Variants in COL21A1 observed in about 807,000 individuals in gnomAD.
The protein encoded by COL21A1 is collagen alpha-1(XXI) chain.
A neutral mutation model predicts 137.9 loss-of-function variants in COL21A1; 149 were observed. That is an observed-to-expected ratio of 1.08 (90% CI 0.95 to 1.24). The LOEUF is 1.24. Ranked by LOEUF, COL21A1 falls within the 50% of genes most tolerant of loss-of-function variation. The probability of loss-of-function intolerance (pLI) is 0.00; values close to 1 mark genes in which losing one functional copy is unlikely to be tolerated. For synonymous variants in COL21A1, 456 were observed against 391.5 expected, an observed-to-expected ratio of 1.16 and a Z score of -1.95; for missense variants, 1,167 against 1,158.4, an observed-to-expected ratio of 1.01 and a Z score of -0.11.
chr6:56,391,376 T>C (rs1356353872), intron 1 of COL21A1, among the ~76,000 whole-genome samples: 4 of 151,804 alleles, frequency 2.6e-5, no homozygotes, highest in Admixed American at 1.3e-4. Flanking sequence ...TAACAATGCA[T>C]CATAAAGTAC....
At chr6:56,379,836 T>G (rs2094005853) in intron 1 of COL21A1, among the ~76,000 whole-genome samples, 1 of 152,204 alleles carries the variant, frequency 6.6e-6, no homozygotes, top group South Asian at 2.1e-4. Flanking sequence ...ATCTGATAGG[T>G]TTAAAAATGG....
intron 1 of COL21A1, among the ~76,000 whole-genome samples, chr6:56,186,456 T>G (rs1311162907): frequency 6.6e-6 from 1 of 152,208 alleles, no homozygotes; most frequent in Non-Finnish European, 1.5e-5. Context: ...TAAGGATACA[T>G]TCTCATACCA....
chr6:56,064,765 G>A, intron 23 of COL21A1, 143 bp from the exon 24 acceptor site: 2 of 502,942 alleles, frequency 4.0e-6, no homozygotes, highest in Non-Finnish European at 6.9e-6. Flanking sequence ...TGTGAGAGAT[G>A]GGAAAATCAG....
chr6:56,210,113 G>T lies in COL21A1; in HGVS notation c.-38-27457C>A, dbSNP rs138789863. On this transcript the variant is annotated intron_variant, in intron 1 of 29. Transcript: ENST00000244728. ...ACACACTGGGGCCTGTTGGGTGGTG[G>T]GGGGCTGGGGGAGGGGTAGCATTAG... is the stretch of plus-strand genomic sequence containing the variant. 1.8e-4 allele frequency among the ~76,000 whole-genome samples: 27 copies of T among 152,162 alleles called. No individual in the cohort carries two copies. The East Asian group carries it at 5.0e-3, about 28-fold the overall frequency.
chr6:56,303,812 T>C (rs1440296999), intron 1 of COL21A1, among the ~76,000 whole-genome samples: 1 of 152,184 alleles, frequency 6.6e-6, no homozygotes, highest in Non-Finnish European at 1.5e-5. Context: ...CTTGTACCAG[T>C]TTTCAAAGGG....
At chr6:56,300,461 C>T (rs1186421304) in intron 1 of COL21A1, among the ~76,000 whole-genome samples, 1 of 151,844 alleles carries the variant, frequency 6.6e-6, no homozygotes, top group East Asian at 1.9e-4. Context: ...ATTTTTTGTC[C>T]TGGAATGTCT....
chr6:56,246,568 C>T (rs549126339), intron 1 of COL21A1, among the ~76,000 whole-genome samples: 2 of 152,054 alleles, frequency 1.3e-5, no homozygotes, highest in East Asian at 3.9e-4. Flanking sequence ...GGGAAATTTG[C>T]AGGTGTCTTC....
At chr6:56,157,842 C>A (rs1225708201) in intron 9 of COL21A1, among the ~76,000 whole-genome samples, 2 of 152,174 alleles carry the variant, frequency 1.3e-5, no homozygotes, top group Non-Finnish European at 2.9e-5. Context: ...CCAGGCCAAA[C>A]AACCCTATTC....
chr6:56,262,645 T>G (rs1763305400), intron 1 of COL21A1, among the ~76,000 whole-genome samples: 1 of 152,104 alleles, frequency 6.6e-6, no homozygotes, highest in South Asian at 2.1e-4. Flanking sequence ...ACTAGTATAT[T>G]TTATACTAGA....
intron 10 of COL21A1, among the ~76,000 whole-genome samples, chr6:56,155,774 C>CT (rs1775695676): frequency 1.3e-5 from 2 of 151,810 alleles, no homozygotes; most frequent in South Asian, 2.1e-4. Flanking sequence ...TTTTGTATTT[C>CT]TTTTTTTTAA....
chr6:56,359,456 A>G lies in COL21A1; in HGVS notation c.-39+34515T>C, dbSNP rs868633954. 2.0e-4 allele frequency among the ~76,000 whole-genome samples: 30 copies of G among 152,278 alleles called. 1 individual carries two copies. Among genetic ancestry groups the G allele is most frequent in the Middle Eastern group, 6.8e-3 (2 of 294 alleles). On this transcript the variant is annotated intron_variant, in intron 1 of 28. Coordinates refer to the COL21A1 transcript ENST00000370819. ...ACCTCACAATACCTTTCTTCAACTC[A>G]GTTCCCTGAATCAGATCATGGAAGT...
intron 1 of COL21A1, among the ~76,000 whole-genome samples, chr6:56,186,324 T>C (rs1778297620): frequency 6.6e-6 from 1 of 152,182 alleles, no homozygotes; most frequent in Non-Finnish European, 1.5e-5. Context: ...GATAAAACTT[T>C]CAGCAAACTA....
intron 1 of COL21A1, among the ~76,000 whole-genome samples, chr6:56,194,879 G>A (rs907633693): frequency 1.3e-5 from 2 of 152,156 alleles, no homozygotes; most frequent in African/African-American, 4.8e-5. Flanking sequence ...CAGCAGTACT[G>A]AGAGGCAGGG....
chr6:56,282,378 A>G (rs1263073023), intron 1 of COL21A1, among the ~76,000 whole-genome samples: 1 of 152,142 alleles, frequency 6.6e-6, no homozygotes, highest in Admixed American at 6.5e-5. Context: ...TTTTTTCATA[A>G]TAACAAAAAA....
chr6:56,198,816 T>G (rs780915956), intron 1 of COL21A1, among the ~76,000 whole-genome samples: 23 of 152,118 alleles, frequency 1.5e-4, no homozygotes, highest in Non-Finnish European at 3.1e-4. Context: ...AGAATATGTA[T>G]GCTTAAAATT....
At chr6:56,071,456 T>G (rs3950155) in intron 20 of COL21A1, among the ~76,000 whole-genome samples, 22,827 of 151,504 alleles carry the variant, frequency 0.15, 1,755 homozygotes, top group Middle Eastern at 0.22. Flanking sequence ...AATACTTTGA[T>G]ACCTGATATC....
chr6:56,071,390 G>T (rs992659320), intron 20 of COL21A1, among the ~76,000 whole-genome samples: 4 of 151,600 alleles, frequency 2.6e-5, no homozygotes, highest in African/African-American at 9.7e-5. Context: ...TAGAGAAAGA[G>T]AAAACAAGTC....
chr6:56,072,289 C>G (rs1007331869), intron 20 of COL21A1, among the ~76,000 whole-genome samples: 9 of 151,470 alleles, frequency 5.9e-5, no homozygotes, highest in African/African-American at 2.2e-4. Context: ...ATCTTTGTAA[C>G]AGAATGATTT....
At chr6:56,255,317 A>T (rs1782940158) in intron 1 of COL21A1, among the ~76,000 whole-genome samples, 2 of 147,364 alleles carry the variant, frequency 1.4e-5, no homozygotes, top group African/African-American at 5.1e-5. Context: ...TTCTAGAGTG[A>T]TCACTGTTGT....
Sources: gnomAD v4.1 joint callset for allele counts (sites outside exome capture counted in the v4.1 genomes callset) on GRCh38, gnomAD v4.1.1 for gene constraint, MANE v1.5 for transcripts, NCBI Gene and HGNC (gene_info 2026-07-23, HGNC 2026-07-21) for gene names.